The following MGST3 variants were observed in gnomAD, a reference collection of about 807,000 sequenced individuals.
MGST3 encodes the protein glutathione S-transferase 3, mitochondrial.
Under a neutral mutation model 15.8 loss-of-function variants are expected in MGST3, and 13 were observed. The ratio of observed to expected loss-of-function variants is 0.82; its 90% CI spans 0.54 to 1.31. The LOEUF (loss-of-function observed/expected upper bound fraction) is 1.31. Among genes scored for constraint, MGST3 ranks in the 50% most tolerant of loss-of-function variants. The pLI is 0.00. For synonymous variants in MGST3, 49 were observed against 68.1 expected, an observed-to-expected ratio of 0.72 and a Z score of 1.38; for missense variants, 155 against 192.4, an observed-to-expected ratio of 0.81 and a Z score of 1.15.
At chr1:165,639,487 C>T (rs1648206766) in intron 1 of MGST3, among the ~76,000 whole-genome samples, 1 of 152,192 alleles carries the variant, frequency 6.6e-6, no homozygotes, top group African/African-American at 2.4e-5. Context: ...TATCTAAACT[C>T]TGTTACAGTG....
chr1:165,652,142 C>A, intron 4 of MGST3, 107 bp downstream of exon 4: 1 of 827,600 alleles, frequency 1.2e-6, no homozygotes, highest in Non-Finnish European at 2.1e-6. Context: ...AGTGTCTAGG[C>A]ACTGCATATT....
chr1:165,647,431 T>A (rs2101721358), intron 1 of MGST3: 1 of 152,326 alleles, frequency 6.6e-6, no homozygotes, highest in African/African-American at 2.4e-5. Context: ...TTACCTGGGC[T>A]AGCTGGAGTG....
At chr1:165,652,535 A>G (rs1648588111) in intron 4 of MGST3, among the ~76,000 whole-genome samples, 1 of 152,126 alleles carries the variant, frequency 6.6e-6, no homozygotes, top group South Asian at 2.1e-4. Flanking sequence ...AGAGAAGAAA[A>G]CAAAGTGGGG....
chr1:165,650,811 C>G (rs1313877622), intron 2 of MGST3: 2 of 599,210 alleles, frequency 3.3e-6, no homozygotes, highest in Admixed American at 2.4e-5. Context: ...ATTCTTATTC[C>G]TGGATATTTA....
At chr1:165,642,311 G>A (rs1217667939) in intron 1 of MGST3, among the ~76,000 whole-genome samples, 1 of 152,194 alleles carries the variant, frequency 6.6e-6, no homozygotes, top group Non-Finnish European at 1.5e-5. Context: ...GCAGTGCTGA[G>A]CAGTGTCTGG....
intron 3 of MGST3, 49 bp from the exon 4 acceptor site, chr1:165,651,929 G>A: frequency 2.1e-6 from 2 of 962,456 alleles, no homozygotes; most frequent in Non-Finnish European, 3.3e-6. Flanking sequence ...TTCTACACAG[G>A]CATACTTAAA....
intron 4 of MGST3, chr1:165,653,757 CT>C (rs761984003): frequency 1.2e-5 from 2 of 164,192 alleles, no homozygotes; most frequent in Non-Finnish European, 2.7e-5. Flanking sequence ...AAGCGCTCCC[CT>C]TCTTTCTAGT....
At chr1:165,641,355 T>C (rs1034971931) in intron 1 of MGST3, among the ~76,000 whole-genome samples, 2 of 152,200 alleles carry the variant, frequency 1.3e-5, no homozygotes, top group African/African-American at 4.8e-5. Context: ...CTTTATATAT[T>C]CTGGTTGAAT....
At position 165,655,630 on chromosome 1, in the gene MGST3, C is replaced by T. The variant is rs1027909791; in HGVS notation, c.*126C>T. 2.6e-6 allele frequency: 3 copies of T among 1,149,594 alleles called. No individual in the cohort carries two copies. The highest frequency in any genetic ancestry group is 4.3e-5 in the Admixed American group (2 of 46,872). 71.2% of individuals were successfully genotyped at this position (1,149,594 alleles called of 1,614,324 possible). Reference sequence around the variant, plus strand: ...AGCCTCATACCTAAAACTCCTGACTCTTACCACTCATTTCCGTTTGAGTCT... The same window carrying T: ...AGCCTCATACCTAAAACTCCTGACTTTTACCACTCATTTCCGTTTGAGTCT... On this transcript the variant is annotated 3_prime_UTR_variant, in exon 6 of 6. Transcript: ENST00000367889.
intron 1 of MGST3, chr1:165,646,493 T>C (rs1439851790): frequency 6.6e-6 from 1 of 152,268 alleles, no homozygotes; most frequent in Non-Finnish European, 1.5e-5. Flanking sequence ...TTCTTCTTTC[T>C]TAAGATTTCT....
intron 1 of MGST3, among the ~76,000 whole-genome samples, chr1:165,644,866 C>T (rs9333448): frequency 0.012 from 1,896 of 152,270 alleles, 37 homozygotes; most frequent in African/African-American, 0.044. Flanking sequence ...TCAAGCAGTT[C>T]TCCTGCCTCA....
At chr1:165,636,446 C>T (rs140923788) in intron 1 of MGST3, among the ~76,000 whole-genome samples, 53 of 152,176 alleles carry the variant, frequency 3.5e-4, no homozygotes, top group Admixed American at 1.2e-3. Flanking sequence ...AAGAGGATTG[C>T]GTTTATGGGC....
intron 5 of MGST3, 88 bp downstream of exon 5, chr1:165,654,439 C>G: frequency 7.8e-7 from 1 of 1,277,996 alleles, no homozygotes; most frequent in African/African-American, 1.5e-5. Flanking sequence ...ACCTGTAATC[C>G]CAGCACTTTG....
At chr1:165,645,726 G>A (rs1276141538) in intron 1 of MGST3, 1 of 152,188 alleles carries the variant, frequency 6.6e-6, no homozygotes, top group Non-Finnish European at 1.5e-5. Context: ...CTAAGCAATA[G>A]GAATGTTTCA....
intron 1 of MGST3, chr1:165,636,976 C>T (rs927306974): frequency 2.0e-5 from 3 of 152,214 alleles, no homozygotes; most frequent in Non-Finnish European, 4.4e-5. Context: ...TCTAAGCTAC[C>T]GTCTGGTGTT....
chr1:165,651,658 C>G (rs888506719), intron 3 of MGST3: 6 of 347,186 alleles, frequency 1.7e-5, no homozygotes, highest in African/African-American at 1.3e-4. Context: ...AATCCCAGCA[C>G]TTTGGGAGGC....
At chr1:165,654,059 C>G (rs1648635333) in intron 4 of MGST3, 1 of 543,114 alleles carries the variant, frequency 1.8e-6, no homozygotes, top group Non-Finnish European at 3.3e-6. Context: ...GGCCAATACT[C>G]ATCTCCCAGG....
At chr1:165,638,911 TC>T (rs1274665013) in intron 1 of MGST3, among the ~76,000 whole-genome samples, 4 of 151,662 alleles carry the variant, frequency 2.6e-5, no homozygotes, top group Non-Finnish European at 1.5e-5. Flanking sequence ...ACTGAATGCT[TC>T]CCCCTAAGAT....
At chr1:165,642,814 A>T (rs1371588967) in intron 1 of MGST3, among the ~76,000 whole-genome samples, 1 of 152,232 alleles carries the variant, frequency 6.6e-6, no homozygotes, top group Non-Finnish European at 1.5e-5. Flanking sequence ...TTCTGAATGC[A>T]GACAATTTGA....
Sources: allele counts gnomAD v4.1 joint callset (sites outside exome capture counted in the v4.1 genomes callset), GRCh38; gene constraint gnomAD v4.1.1; transcripts MANE v1.5; gene names NCBI Gene and HGNC (gene_info 2026-07-23, HGNC 2026-07-21).